TPRG1: variants seen among roughly 807,000 people sequenced by gnomAD.
TPRG1 encodes the protein tumor protein p63-regulated gene 1 protein.
Under a neutral mutation model 29.3 loss-of-function variants are expected in TPRG1, and 29 were observed. That is an observed-to-expected ratio of 0.99 (90% CI 0.74 to 1.35). The LOEUF (loss-of-function observed/expected upper bound fraction) is 1.35, where lower values mean the gene tolerates loss of function less well. TPRG1 is among the 40% of genes most tolerant of loss of function. The probability of loss-of-function intolerance (pLI) is 0.00; values close to 1 mark genes in which losing one functional copy is unlikely to be tolerated. For synonymous variants in TPRG1, 130 were observed against 116.8 expected (o/e 1.11, Z -0.73); for missense variants, 327 against 335.0 (o/e 0.98, Z 0.19).
At chr3:189,199,496 A>G (rs1450850394) in intron 1 of TPRG1, among the ~76,000 whole-genome samples, 1 of 152,208 alleles carries the variant, frequency 6.6e-6, no homozygotes, top group African/African-American at 2.4e-5. Flanking sequence ...TGACTGAAAT[A>G]AGATTGATGA....
chr3:189,179,052 T>C (rs1383333747), intron 1 of TPRG1, among the ~76,000 whole-genome samples: 2 of 152,234 alleles, frequency 1.3e-5, no homozygotes, highest in Non-Finnish European at 2.9e-5. Flanking sequence ...CAGTTTTTTA[T>C]ACCTTTACTC....
intron 4 of TPRG1, among the ~76,000 whole-genome samples, chr3:189,072,290 C>T (rs1716857048): frequency 2.6e-5 from 4 of 152,098 alleles, no homozygotes; most frequent in Admixed American, 2.0e-4. Flanking sequence ...ATCTCCTGCC[C>T]CAGTTTAAGA....
chr3:189,125,146 T>C (rs999720305), intron 1 of TPRG1, among the ~76,000 whole-genome samples: 4 of 152,198 alleles, frequency 2.6e-5, no homozygotes, highest in African/African-American at 9.6e-5. Flanking sequence ...ACAAAAAGTT[T>C]TCTTATTGTT....
At position 189,089,615 on chromosome 3, in the gene TPRG1, G is replaced by T. The variant is rs191951505; in HGVS notation, c.-462-37442G>T. On this transcript the variant is annotated intron_variant, in intron 4 of 10. Coordinates refer to the TPRG1 transcript ENST00000433971. ...GGTGGGGACTCTGCAGAGTCCCAAG[G>T]CTATACAGAGCATCACATGGTGGGG... 4.5e-3 allele frequency among the ~76,000 whole-genome samples: 680 copies of T among 152,208 alleles called. 3 individuals are homozygous for T. The highest frequency in any genetic ancestry group is 7.7e-3 in the Non-Finnish European group (524 of 67,988).
At chr3:189,092,761 C>T (rs537996965) in intron 4 of TPRG1, among the ~76,000 whole-genome samples, 3 of 152,046 alleles carry the variant, frequency 2.0e-5, no homozygotes, top group East Asian at 1.9e-4. Flanking sequence ...TAGGGGAGAG[C>T]GCTGACCAGC....
At chr3:189,198,135 G>A (rs112211300) in intron 1 of TPRG1, among the ~76,000 whole-genome samples, 4 of 152,084 alleles carry the variant, frequency 2.6e-5, no homozygotes, top group Non-Finnish European at 4.4e-5. Context: ...GGGGGTGGGC[G>A]GCTGACATCT....
intron 4 of TPRG1, among the ~76,000 whole-genome samples, chr3:189,303,772 G>A (rs1052089576): frequency 2.6e-5 from 4 of 152,114 alleles, no homozygotes; most frequent in African/African-American, 9.7e-5. Context: ...CCAACATTGT[G>A]AGTCATGAAA....
intron 4 of TPRG1, among the ~76,000 whole-genome samples, chr3:189,299,660 G>GTTTTTT (rs1720527345): frequency 6.7e-6 from 1 of 149,358 alleles, no homozygotes; most frequent in African/African-American, 2.5e-5. Flanking sequence ...AAGATCATGG[G>GTTTTTT]TCTACTCATG....
At chr3:189,231,639 C>A (rs1164046395) in intron 3 of TPRG1, among the ~76,000 whole-genome samples, 2 of 152,196 alleles carry the variant, frequency 1.3e-5, no homozygotes, top group Middle Eastern at 3.4e-3. Flanking sequence ...GACGTGAAAA[C>A]CAAATCTTAG....
intron 4 of TPRG1, among the ~76,000 whole-genome samples, chr3:189,037,545 CTT>C (rs1714350176): frequency 6.6e-6 from 1 of 151,786 alleles, no homozygotes; most frequent in African/African-American, 2.4e-5. Flanking sequence ...AAAGAAGAAA[CTT>C]AAGGTATATT....
At chr3:189,086,350 CA>C (rs1445999103) in intron 4 of TPRG1, among the ~76,000 whole-genome samples, 2 of 148,674 alleles carry the variant, frequency 1.3e-5, no homozygotes, top group African/African-American at 5.1e-5. Flanking sequence ...TCCACTGATT[CA>C]AATTTTTTTT....
intron 4 of TPRG1, among the ~76,000 whole-genome samples, chr3:189,087,970 G>A (rs1718070187): frequency 6.6e-6 from 1 of 152,108 alleles, no homozygotes; most frequent in Non-Finnish European, 1.5e-5. Context: ...TTTTGGCTTA[G>A]GATTGTCTTG....
chr3:189,163,735 G>T (rs180824477), intron 5 of TPRG1, among the ~76,000 whole-genome samples: 7 of 152,134 alleles, frequency 4.6e-5, no homozygotes, highest in African/African-American at 1.7e-4. Flanking sequence ...TGTGCCATTA[G>T]GGCTTCTCCA....
chr3:189,072,914 G>GTATT (rs1322542144), intron 4 of TPRG1, among the ~76,000 whole-genome samples: 1 of 152,140 alleles, frequency 6.6e-6, no homozygotes, highest in Non-Finnish European at 1.5e-5. Flanking sequence ...ATATCAAAGT[G>GTATT]GGAGCCCCTT....
chr3:189,144,527 A>G (rs772182283), intron 3 of TPRG1, among the ~76,000 whole-genome samples: 3 of 152,318 alleles, frequency 2.0e-5, no homozygotes, highest in Non-Finnish European at 2.9e-5. Flanking sequence ...GTTTCTCAAT[A>G]GCCCTGGAAA....
intron 4 of TPRG1, among the ~76,000 whole-genome samples, chr3:189,276,614 G>A (rs1332917227): frequency 6.6e-6 from 1 of 152,152 alleles, no homozygotes; most frequent in African/African-American, 2.4e-5. Flanking sequence ...AAGTACTGAT[G>A]TCTAAGGGAT....
intron 4 of TPRG1, among the ~76,000 whole-genome samples, chr3:189,032,919 A>C (rs2152130552): frequency 6.6e-6 from 1 of 151,998 alleles, no homozygotes; most frequent in Non-Finnish European, 1.5e-5. Context: ...CCTACAAAGG[A>C]CATGAACTCA....
intron 3 of TPRG1, among the ~76,000 whole-genome samples, chr3:189,141,800 T>TG (rs1445771438): frequency 3.9e-5 from 6 of 152,222 alleles, no homozygotes; most frequent in Non-Finnish European, 7.3e-5. Context: ...CTATATTTTT[T>TG]ATTGATTGAT....
intron 5 of TPRG1, among the ~76,000 whole-genome samples, chr3:189,159,901 A>T (rs1182910596): frequency 6.6e-6 from 1 of 150,536 alleles, no homozygotes; most frequent in Non-Finnish European, 1.5e-5. Context: ...AGCTGCAAAG[A>T]TCCACTGTCA....
Sources: allele counts gnomAD v4.1 joint callset (sites outside exome capture counted in the v4.1 genomes callset), GRCh38; gene constraint gnomAD v4.1.1; transcripts MANE v1.5; gene names NCBI Gene and HGNC (gene_info 2026-07-23, HGNC 2026-07-21).